The following RBCK1 variants were observed in gnomAD, a reference collection of about 807,000 sequenced individuals.
RBCK1 encodes RANBP2-type and C3HC4-type zinc finger containing 1.
Under a neutral mutation model 71.1 loss-of-function variants are expected in RBCK1, and 44 were observed. The ratio of observed to expected loss-of-function variants is 0.62; its 90% CI spans 0.49 to 0.80. The LOEUF is 0.80. Ranked by LOEUF, RBCK1 falls within the 30% of genes least tolerant of loss-of-function variation. The probability of loss-of-function intolerance (pLI) is 0.00; values close to 1 mark genes in which losing one functional copy is unlikely to be tolerated. For synonymous variants in RBCK1, 306 were observed against 279.7 expected (o/e 1.09, Z -0.94); for missense variants, 569 against 685.0 (o/e 0.83, Z 1.89).
chr20:429,130 C>A (rs747135242), intron 11 of RBCK1, 36 bp downstream of exon 11: 1 of 1,583,878 alleles, frequency 6.3e-7, no homozygotes, highest in Admixed American at 1.8e-5. Context: ...GAGAGGGTGC[C>A]CTTGTGGGCT....
In RBCK1 at chr20:422,376, C is replaced by G. The variant is rs2016490482; in HGVS notation, c.1029+138C>G. ...CTCACTATGTTGTCCAAGCTGGTCT[C>G]AAACTCCTGGGCTTAAGCGATCATT... is the stretch of plus-strand genomic sequence containing the variant. On this transcript the variant is annotated intron_variant, in intron 8 of 11. Transcript: ENST00000356286. The surrounding 1 kb of genome is among the most constrained non-coding windows in gnomAD (Gnocchi z 5.0). 7.2e-6 allele frequency: 5 copies of G among 699,036 alleles called. No homozygotes were observed. The highest frequency in any genetic ancestry group is 9.8e-6 in the Non-Finnish European group (4 of 408,222). 43.3% of individuals were successfully genotyped at this position (699,036 alleles called of 1,614,324 possible).
Position 431,254 on chromosome 20 carries a change from T to C in RBCK1, c.*824T>C, listed in dbSNP as rs933675846. Among the ~76,000 whole-genome samples, 9 of 152,092 alleles carry C rather than the reference T, an allele frequency of 5.9e-5. No homozygotes were observed. Among genetic ancestry groups the C allele is most frequent in the Admixed American group, 5.2e-4 (8 of 15,266 alleles). On this transcript the variant is annotated 3_prime_UTR_variant, in exon 12 of 12. Coordinates refer to ENST00000356286, the MANE Select transcript of RBCK1 (RefSeq NM_031229.4). The surrounding 1 kb of genome is among the most constrained non-coding windows in gnomAD (Gnocchi z 4.8). ...GGCTTAGGGGCGGGAGGGGAAGTCT[T>C]GCCACTCCTGCTCCCTTTTGACCTC...
At position 417,333 on chromosome 20, in the gene RBCK1, G is replaced by A; in HGVS notation, c.168-193G>A. 1.4e-6 allele frequency: 1 copy of A among 731,354 alleles called. No individual in the cohort carries two copies. The highest frequency in any genetic ancestry group is 2.6e-6 in the Non-Finnish European group (1 of 391,394). The allele number at this position is 731,354 out of a possible 1,614,324, so 45.3% of individuals were successfully genotyped here. On this transcript the variant is annotated intron_variant, in intron 2 of 11. Transcript: ENST00000356286. The surrounding 1 kb of genome is among the most constrained non-coding windows in gnomAD (Gnocchi z 4.7). ...AAGAGTAGCGTGGAGCCATTGGAGG[G>A]GCCTAACTGGTGGGTTCTAATAAAG...
At position 422,514 on chromosome 20, in the gene RBCK1, GA is replaced by G. The variant is rs35467583; in HGVS notation, c.1029+278del. Among the ~76,000 whole-genome samples the G allele has an allele frequency of 0.37, 55,823 of 151,694 alleles. 10,746 individuals carry two copies. Among genetic ancestry groups the G allele is most frequent in the African/African-American group, 0.46 (18,938 of 41,314 alleles). ...TAGTCAAGAAACCACATCTATGAAG[GA>G]AGGACAGCAGAGTTGTTAAGAATCA... is the stretch of plus-strand genomic sequence containing the variant. On this transcript the variant is annotated intron_variant, in intron 8 of 11. Coordinates refer to ENST00000356286, the MANE Select transcript of RBCK1 (RefSeq NM_031229.4). The surrounding 1 kb of genome is among the most constrained non-coding windows in gnomAD (Gnocchi z 5.0).
Position 424,678 on chromosome 20 carries a change from C to CCA in RBCK1, c.1029+2441_1029+2442dup, listed in dbSNP as rs1344311244. Among the ~76,000 whole-genome samples the CCA allele has an allele frequency of 2.0e-4, 31 of 152,310 alleles. 1 individual carries two copies. The highest frequency in any genetic ancestry group is 1.4e-3 in the East Asian group (7 of 5,180). On this transcript the variant is annotated intron_variant, in intron 8 of 11. Coordinates refer to ENST00000356286, the MANE Select transcript of RBCK1 (RefSeq NM_031229.4). ...TCATGACCAGTCATTCCATATGTCC[C>CCA]CAGCACCCATAGCCATTTGCTTAGA...
chr20:415,361 C>A (rs1331878595), intron 2 of RBCK1, among the ~76,000 whole-genome samples: 4 of 108,330 alleles, frequency 3.7e-5, no homozygotes. Context: ...GAAGTGAGAC[C>A]CTGTCTCAAA....
rs949192442 is a variant in RBCK1 at position 412,235 on chromosome 20, G to A, written c.167+2210G>A. On this transcript the variant is annotated intron_variant, in intron 2 of 11. Coordinates refer to ENST00000356286, the MANE Select transcript of RBCK1 (RefSeq NM_031229.4). ...ATTTGCAATTTCCTAACCATTTGAT[G>A]ACAAATGATGTTAAGCATCTTTTCA... is the stretch of plus-strand genomic sequence containing the variant. Among the ~76,000 whole-genome samples, 11 of 152,256 alleles carry A rather than the reference G, an allele frequency of 7.2e-5. 1 individual carries two copies. The highest frequency in any genetic ancestry group is 5.2e-4 in the Admixed American group (8 of 15,290).
In RBCK1 at chr20:422,176, T is replaced by G; in HGVS notation, c.967T>G (p.Cys323Gly). ...IRNSQEAEVS[C>G]PFIDNTYSCS... ...CAACAGCCAGGAGGCGGAGGTCTCC[T>G]GCCCCTTCATTGACAACACCTACTC... Residue 323 changes from cysteine (C) to glycine (G), a missense_variant, in exon 8 of 12, where the codon TGC becomes GGC. Cys to Gly is a radical substitution (Grantham distance 159). Coordinates refer to ENST00000356286, the MANE Select transcript of RBCK1 (RefSeq NM_031229.4). The surrounding 1 kb of genome is among the most constrained non-coding windows in gnomAD (Gnocchi z 5.0). 6.2e-7 allele frequency: 1 copy of G among 1,613,214 alleles called. No homozygotes were observed. Among genetic ancestry groups the G allele is most frequent in the Non-Finnish European group, 8.5e-7 (1 of 1,179,912 alleles).
At chr20:427,556 C>T in intron 9 of RBCK1, 64 bp downstream of exon 9, 1 of 1,545,532 alleles carries the variant, frequency 6.5e-7, no homozygotes, top group Non-Finnish European at 8.9e-7. Flanking sequence ...CACCACACTG[C>T]AGTGCGTGTT....
At position 427,458 on chromosome 20, in the gene RBCK1, CTG is replaced by C. The variant is rs1245528936; in HGVS notation, c.1181_1182del (p.Cys394PhefsTer13). The stretch of plus-strand genomic sequence containing the variant: ...GATGATGTCAATGAGTTCACCTGCC[CTG>C]TGTGTTTCCACGTCAACTGCCTGCT... On this transcript the variant is annotated frameshift_variant, in exon 9 of 12. Transcript: ENST00000356286. LOFTEE classifies it high-confidence loss of function. The C allele has an allele frequency of 1.2e-6, 2 of 1,613,946 alleles. No individual in the cohort carries two copies.
chr20:425,705 C>T (rs2016676870), intron 8 of RBCK1, among the ~76,000 whole-genome samples: 2 of 149,556 alleles, frequency 1.3e-5, no homozygotes, highest in South Asian at 2.1e-4. Context: ...TGGCTCACTG[C>T]AACCTCCACC....
chr20:424,117 G>A (rs535576881), intron 8 of RBCK1, among the ~76,000 whole-genome samples: 164 of 152,288 alleles, frequency 1.1e-3, no homozygotes, highest in African/African-American at 3.6e-3. Flanking sequence ...GAAACAAATT[G>A]GAGTCACCAC....
rs554199510 is a variant in RBCK1, at chr20:429,203, T to C, written c.1452+109T>C. 29 of 1,419,548 alleles carry C rather than the reference T, an allele frequency of 2.0e-5. No homozygotes were observed. In the Admixed American group the frequency reaches 5.7e-4, roughly 28 times the overall value. The allele number at this position is 1,419,548 out of a possible 1,614,324, so 87.9% of individuals were successfully genotyped here. ...GGCCATATCCAACCCAGCACCTGAA[T>C]TTGTACAGCTCCCGAGGTAAGAATT... is the stretch of plus-strand genomic sequence containing the variant. On this transcript the variant is annotated intron_variant, in intron 11 of 11. Transcript: ENST00000356286.
intron 6 of RBCK1, chr20:420,504 C>T (rs2016325119): frequency 1.0e-6 from 1 of 984,404 alleles, no homozygotes. Flanking sequence ...TGCCCTGCTA[C>T]CTGACTCACC....
At chr20:416,439 G>T (rs2015999041) in intron 2 of RBCK1, among the ~76,000 whole-genome samples, 1 of 152,092 alleles carries the variant, frequency 6.6e-6, no homozygotes, top group South Asian at 2.1e-4. Context: ...GGATTCAGCA[G>T]TCACTTTTAA....
In RBCK1 at chr20:417,843, A is replaced by G. The variant is rs2122227792; in HGVS notation, c.373A>G (p.Ser125Gly). ...CCATGGGGTGCGGCAGAATGGGGAC[A>G]GTGCCTACCTCTATCTGCTGTCAGC... Reference protein sequence around the residue: ...HSHGVRQNGDSAYLYLLSARN... With the variant: ...HSHGVRQNGDGAYLYLLSARN... Residue 125 changes from serine (S) to glycine (G), a missense_variant, in exon 4 of 12, where the codon AGT becomes GGT. Ser to Gly is a moderately conservative substitution (Grantham distance 56, BLOSUM62 0). Coordinates refer to ENST00000356286, the MANE Select transcript of RBCK1 (RefSeq NM_031229.4). The surrounding 1 kb of genome is among the most constrained non-coding windows in gnomAD (Gnocchi z 4.7). The G allele has an allele frequency of 6.2e-7, 1 of 1,614,022 alleles. No individual in the cohort carries two copies. The highest frequency in any genetic ancestry group is 8.5e-7 in the Non-Finnish European group (1 of 1,180,022).
intron 6 of RBCK1, chr20:420,312 A>G (rs1223242973): frequency 1.0e-5 from 10 of 981,992 alleles, no homozygotes; most frequent in Non-Finnish European, 1.1e-5. Context: ...CACACGCACT[A>G]ATGACACAGA....
Position 419,428 on chromosome 20 carries a change from C to A in RBCK1, c.542C>A (p.Pro181His), listed in dbSNP as rs952034182. The A allele has an allele frequency of 1.9e-6, 3 of 1,608,096 alleles. No homozygotes were observed. The highest frequency in any genetic ancestry group is 2.5e-6 in the Non-Finnish European group (3 of 1,177,756). ...CCAAAGCCCGGGGTCCCCCAGGAAC[C>A]CGGACGGGGGCAGCCAGATGCAGTG... ...GPPKPGVPQE[P>H]GRGQPDAVPE... The change falls in exon 5 of 12, where the codon CCC (proline) becomes CAC (histidine). Residue 181 changes from proline to histidine, a missense_variant. This residue lies in a region of RBCK1 where 358 missense variants were observed against 375.6 expected (regional missense o/e 0.95). Transcript: ENST00000356286.
At position 430,216 on chromosome 20, in the gene RBCK1, A is replaced by T; in HGVS notation, c.1453-134A>T. On this transcript the variant is annotated intron_variant, in intron 11 of 11. Coordinates refer to ENST00000356286, the MANE Select transcript of RBCK1 (RefSeq NM_031229.4). The surrounding 1 kb of genome is among the most constrained non-coding windows in gnomAD (Gnocchi z 5.6). ...GAAAAGGCCTCAGTGACTCTCCATC[A>T]GGTAGCTGAGGCTGACCAGGCCATT... 1 of 719,704 alleles carries T rather than the reference A, an allele frequency of 1.4e-6. No homozygotes were observed. The highest frequency in any genetic ancestry group is 2.3e-6 in the Non-Finnish European group (1 of 426,532). 44.6% of individuals were successfully genotyped at this position (719,704 alleles called of 1,614,324 possible). A position where few individuals can be genotyped will look rare whatever the true frequency, so the allele number is the denominator to read the frequency against.
Sources: gnomAD v4.1 joint callset for allele counts (sites outside exome capture counted in the v4.1 genomes callset) on GRCh38, gnomAD v4.1.1 for gene constraint, gnomAD v4.1.1 regional missense constraint, Gnocchi (gnomAD v3.1) non-coding constraint, MANE v1.5 for transcripts, NCBI Gene and HGNC (gene_info 2026-07-23, HGNC 2026-07-21) for gene names.